ETV1: variants seen among roughly 807,000 people sequenced by gnomAD.
The protein encoded by ETV1 is ETS translocation variant 1.
A neutral mutation model predicts 62.3 loss-of-function variants in ETV1; 27 were observed. That is an observed-to-expected ratio of 0.43 (90% CI 0.32 to 0.60). The LOEUF is 0.60. Among genes scored for constraint, ETV1 ranks in the 20% least tolerant of loss-of-function variants. The pLI, the probability that ETV1 is intolerant of heterozygous loss-of-function variation, is 0.06. For missense variants in ETV1, 605 were observed against 605.8 expected (o/e 1.00, Z 0.01); for synonymous variants, 222 against 199.6 (o/e 1.11, Z -0.94).
intron 6 of ETV1, among the ~76,000 whole-genome samples, chr7:13,976,658 C>T (rs767819401): frequency 3.9e-5 from 6 of 152,136 alleles, no homozygotes; most frequent in Non-Finnish European, 5.9e-5. Flanking sequence ...GTATTTGCTC[C>T]TTTGGTCAGT....
intron 13 of ETV1, among the ~76,000 whole-genome samples, chr7:13,897,530 G>T (rs1781971394): frequency 6.6e-6 from 1 of 152,156 alleles, no homozygotes; most frequent in Non-Finnish European, 1.5e-5. Flanking sequence ...ATTTGGACCT[G>T]TTTCTTAGAC....
intron 6 of ETV1, among the ~76,000 whole-genome samples, chr7:13,956,916 T>C (rs1413623837): frequency 1.3e-5 from 2 of 150,960 alleles, no homozygotes; most frequent in East Asian, 3.9e-4. Context: ...CCAAGAAAAA[T>C]TGCAAAATGT....
Position 13,931,567 on chromosome 7 carries a change from G to A in ETV1, c.737C>T (p.Ala246Val). 6.2e-7 allele frequency: 1 copy of A among 1,614,036 alleles called. No individual in the cohort carries two copies. The highest frequency in any genetic ancestry group is 8.5e-7 in the Non-Finnish European group (1 of 1,179,882). ...CAGAGGAGGGGGAAAGCTTTGGCTGGCCGCACTGCCAACCATGGTGTTGTG... is the reference window on the plus strand; with the variant it reads ...CAGAGGAGGGGGAAAGCTTTGGCTGACCGCACTGCCAACCATGGTGTTGTG... ...YEHNTMVGSA[A>V]SQSFPPPLMI... Residue 246 changes from alanine to valine, a missense_variant, in exon 9 of 14, where the codon GCC becomes GTC. Ala to Val is a moderately conservative substitution (Grantham distance 64). Around this residue, in one of 3 missense-constraint regions of ETV1, gnomAD observed 426 missense variants for 377.8 expected, o/e 1.13. Coordinates refer to ENST00000430479, the MANE Select transcript of ETV1 (RefSeq NM_004956.5).
intron 6 of ETV1, among the ~76,000 whole-genome samples, chr7:13,945,047 A>T (rs1787997204): frequency 6.6e-6 from 1 of 152,056 alleles, no homozygotes. Context: ...TTCATCTTGG[A>T]TTTCCAGCCT....
intron 9 of ETV1, among the ~76,000 whole-genome samples, chr7:13,921,247 T>A (rs920525962): frequency 6.6e-6 from 1 of 152,290 alleles, no homozygotes. Context: ...TTTGGAAGTG[T>A]TACATATCAA....
chr7:13,937,428 G>A (rs1222220012), intron 7 of ETV1, among the ~76,000 whole-genome samples: 1 of 152,186 alleles, frequency 6.6e-6, no homozygotes, highest in Non-Finnish European at 1.5e-5. Context: ...GTATAGCGAT[G>A]GAAGTACCAG....
Position 13,964,892 on chromosome 7 carries a change from T to C in ETV1, c.235+12535A>G, listed in dbSNP as rs189212723. On this transcript the variant is annotated intron_variant, in intron 6 of 13. Coordinates refer to ENST00000430479, the MANE Select transcript of ETV1 (RefSeq NM_004956.5). The stretch of plus-strand genomic sequence containing the variant: ...ATCATGAAGAGCCTGATAATCTTTT[T>C]GGGTTTCAGTTTTTCATCTTTAAAT... Among the ~76,000 whole-genome samples the C allele has an allele frequency of 6.2e-3, 950 of 152,302 alleles. 8 individuals carry two copies. Among genetic ancestry groups the C allele is most frequent in the Non-Finnish European group, 8.0e-3 (544 of 68,022 alleles).
chr7:13,900,085 C>T (rs930793650), intron 13 of ETV1, among the ~76,000 whole-genome samples: 8 of 152,180 alleles, frequency 5.3e-5, no homozygotes, highest in African/African-American at 7.2e-5. Context: ...ACCAAGATCA[C>T]GCCACTGCAC....
At chr7:13,949,595 C>A (rs1016677613) in intron 6 of ETV1, among the ~76,000 whole-genome samples, 5 of 152,126 alleles carry the variant, frequency 3.3e-5, no homozygotes, top group African/African-American at 9.7e-5. Flanking sequence ...CATACACACA[C>A]CAATATCCAT....
rs1475505127 is a variant in ETV1, at chr7:13,985,597, C to T, written c.181+1041G>A. On this transcript the variant is annotated intron_variant, in intron 5 of 13. Coordinates refer to ENST00000430479, the MANE Select transcript of ETV1 (RefSeq NM_004956.5). ...GGTTCCATTTAAAGAGACCCACTCT[C>T]TCCTTTTTAACCATCTTAAAATCTG... 9.2e-4 allele frequency: 145 copies of T among 157,240 alleles called. No individual in the cohort carries two copies. The East Asian group carries it at 0.024, about 26-fold the overall frequency. 9.7% of individuals were successfully genotyped at this position (157,240 alleles called of 1,614,324 possible).
chr7:13,931,811 G>T, intron 8 of ETV1, 62 bp from the exon 9 acceptor site: 2 of 1,580,618 alleles, frequency 1.3e-6, no homozygotes, highest in Non-Finnish European at 1.7e-6. Flanking sequence ...TTAAAATACG[G>T]ATACGGTTTT....
upstream of ETV1, chr7:13,989,757 G>A: frequency 2.5e-6 from 1 of 396,850 alleles, no homozygotes; most frequent in Non-Finnish European, 4.4e-6. Flanking sequence ...TTGGCTCCGC[G>A]TCTCTTTCAC....
chr7:13,957,117 G>A (rs1013196444), intron 6 of ETV1, among the ~76,000 whole-genome samples: 6 of 151,282 alleles, frequency 4.0e-5, no homozygotes, highest in African/African-American at 7.3e-5. Context: ...AAGGAGTCTC[G>A]CTCTGTCGCC....
intron 6 of ETV1, among the ~76,000 whole-genome samples, chr7:13,971,551 G>A (rs1050317102): frequency 3.3e-5 from 5 of 152,142 alleles, no homozygotes; most frequent in Non-Finnish European, 7.4e-5. Flanking sequence ...TTGCATTCCA[G>A]TGTGTTTTAC....
At chr7:13,928,786 C>T (rs1029776628) in intron 9 of ETV1, among the ~76,000 whole-genome samples, 1 of 152,046 alleles carries the variant, frequency 6.6e-6, no homozygotes, top group Non-Finnish European at 1.5e-5. Flanking sequence ...GGTGAAACCC[C>T]GTCTCTACTA....
At chr7:13,916,171 A>G (rs1784133997) in intron 9 of ETV1, among the ~76,000 whole-genome samples, 1 of 152,198 alleles carries the variant, frequency 6.6e-6, no homozygotes, top group Non-Finnish European at 1.5e-5. Context: ...CTTTCTCTTT[A>G]GGGTTTTAAG....
At chr7:13,955,158 A>C (rs755036014) in intron 6 of ETV1, among the ~76,000 whole-genome samples, 4 of 152,212 alleles carry the variant, frequency 2.6e-5, no homozygotes, top group Non-Finnish European at 4.4e-5. Flanking sequence ...TTTTACCCCA[A>C]AATAAATTTG....
At chr7:13,983,512 G>A (rs1022538567) in intron 5 of ETV1, among the ~76,000 whole-genome samples, 2 of 151,674 alleles carry the variant, frequency 1.3e-5, no homozygotes, top group African/African-American at 4.8e-5. Context: ...TTGCCTTTCT[G>A]TCAGTAGCAG....
chr7:13,962,778 G>A (rs1288382935), intron 6 of ETV1, among the ~76,000 whole-genome samples: 1 of 152,020 alleles, frequency 6.6e-6, no homozygotes, highest in East Asian at 1.9e-4. Context: ...TTCCATATAC[G>A]TATTAGTTTG....
Sources: gnomAD v4.1 joint callset for allele counts (sites outside exome capture counted in the v4.1 genomes callset) on GRCh38, gnomAD v4.1.1 for gene constraint, gnomAD v4.1.1 regional missense constraint, MANE v1.5 for transcripts, NCBI Gene and HGNC (gene_info 2026-07-23, HGNC 2026-07-21) for gene names.